The following ISG20 variants were observed in gnomAD, a reference collection of about 807,000 sequenced individuals.
ISG20 encodes interferon stimulated exonuclease gene 20, also known as interferon-stimulated gene 20 kDa protein.
In ISG20, 8 loss-of-function variants were observed where a neutral mutation model predicts 11.1. The observed-to-expected ratio is 0.72, with a 90% CI of 0.42 to 1.30. The LOEUF (loss-of-function observed/expected upper bound fraction) is 1.30, where lower values mean the gene tolerates loss of function less well. Among genes scored for constraint, ISG20 ranks in the 50% most tolerant of loss-of-function variants. The pLI, the probability that ISG20 is intolerant of heterozygous loss-of-function variation, is 0.01. For synonymous variants in ISG20, 110 were observed against 101.7 expected (o/e 1.08, Z -0.49); for missense variants, 243 against 250.2 (o/e 0.97, Z 0.19).
At position 88,655,491 on chromosome 15, in the gene ISG20, G is replaced by T. The variant is rs370675181; in HGVS notation, c.506G>T (p.Arg169Leu). Residue 169 changes from arginine (R) to leucine (L), a missense_variant, in exon 4 of 4, where the codon CGA (arginine) becomes CTA (leucine). Arg to Leu is a moderately radical substitution (Grantham distance 102). Coordinates refer to ENST00000306072, the MANE Select transcript of ISG20 (RefSeq NM_002201.6). ...MELYQISQRI[R>L]ARRGLPRLAV... The stretch of plus-strand genomic sequence containing the variant: ...CTCTATCAAATCTCCCAGAGAATCC[G>T]AGCCCGCCGAGGGCTGCCCCGCCTG... The T allele has an allele frequency of 6.2e-7, 1 of 1,613,564 alleles. No homozygotes were observed. The highest frequency in any genetic ancestry group is 2.2e-5 in the East Asian group (1 of 44,888).
intron 3 of ISG20, 76 bp from the exon 4 acceptor site, chr15:88,655,339 G>A: frequency 7.5e-7 from 1 of 1,339,396 alleles, no homozygotes; most frequent in Non-Finnish European, 1.1e-6. Context: ...ATCGGGATGT[G>A]ACCAGGGAAG....
chr15:88,638,674 C>G (rs1862364435), upstream of ISG20: 1 of 153,668 alleles, frequency 6.5e-6, no homozygotes, highest in South Asian at 2.0e-4. Flanking sequence ...GTGGGACATT[C>G]CCTGAGCTCC....
upstream of ISG20, among the ~76,000 whole-genome samples, chr15:88,636,753 C>T (rs1367582346): frequency 1.3e-5 from 2 of 152,098 alleles, no homozygotes; most frequent in Non-Finnish European, 2.9e-5. Context: ...AGGCTGGTCT[C>T]GAATTCCTGG....
In ISG20 at chr15:88,650,430, G is replaced by T; in HGVS notation, c.229-1680G>T. 4.0e-6 allele frequency: 6 copies of T among 1,490,354 alleles called. No individual in the cohort carries two copies. In the South Asian group the frequency reaches 7.9e-5, roughly 20 times the overall value. 92.3% of individuals were successfully genotyped at this position (1,490,354 alleles called of 1,614,324 possible). A position where few individuals can be genotyped will look rare whatever the true frequency, so the allele number is the denominator to read the frequency against. On this transcript the variant is annotated intron_variant, in intron 2 of 3. Transcript: ENST00000306072. The surrounding 1 kb of genome is among the most constrained non-coding windows in gnomAD (Gnocchi z 4.0). ...CTGGCTCAGTGTGGCAGTGGCAGGC[G>T]GGCTCTGGATTCATCCCACTGGCTT... is the stretch of plus-strand genomic sequence containing the variant.
intron 2 of ISG20, among the ~76,000 whole-genome samples, chr15:88,641,411 CT>C (rs1344943950): frequency 2.6e-5 from 4 of 152,144 alleles, no homozygotes; most frequent in Non-Finnish European, 4.4e-5. Flanking sequence ...CAGGAATGTC[CT>C]GTCTCGGGGT....
At position 88,650,308 on chromosome 15, in the gene ISG20, G is replaced by T; in HGVS notation, c.229-1802G>T. 1 of 1,535,694 alleles carries T rather than the reference G, an allele frequency of 6.5e-7. No individual in the cohort carries two copies. The highest frequency in any genetic ancestry group is 8.7e-7 in the Non-Finnish European group (1 of 1,146,888). On this transcript the variant is annotated intron_variant, in intron 2 of 3. Coordinates refer to ENST00000306072, the MANE Select transcript of ISG20 (RefSeq NM_002201.6). The surrounding 1 kb of genome is among the most constrained non-coding windows in gnomAD (Gnocchi z 4.0). ...TGGCCTGTGTGACCAGAGCAGGGCAGGCTGTCCATGTGGGAGGCGAGGCGA... is the reference window on the plus strand; with the variant it reads ...TGGCCTGTGTGACCAGAGCAGGGCATGCTGTCCATGTGGGAGGCGAGGCGA...
chr15:88,655,333 G>T (rs995595588), intron 3 of ISG20, 82 bp from the exon 4 acceptor site: 5 of 1,275,298 alleles, frequency 3.9e-6, no homozygotes, highest in Non-Finnish European at 5.7e-6. Context: ...CTGGAAATCG[G>T]GATGTGACCA....
In ISG20 at chr15:88,651,946, T is replaced by A. The variant is rs569609424; in HGVS notation, c.229-164T>A. On this transcript the variant is annotated intron_variant, in intron 2 of 3. Coordinates refer to ENST00000306072, the MANE Select transcript of ISG20 (RefSeq NM_002201.6). ...CTATCAGGTGTGAGGAGGGTCCTAGTGCAATCTCTTCTTTTCAAAGATGAT... is the reference window on the plus strand; with the variant it reads ...CTATCAGGTGTGAGGAGGGTCCTAGAGCAATCTCTTCTTTTCAAAGATGAT... The A allele has an allele frequency of 9.0e-6, 13 of 1,448,560 alleles. No homozygotes were observed. In the East Asian group the frequency reaches 2.3e-4, roughly 25 times the overall value. 89.7% of individuals were successfully genotyped at this position (1,448,560 alleles called of 1,614,324 possible). A position where few individuals can be genotyped will look rare whatever the true frequency, so the allele number is the denominator to read the frequency against.
At chr15:88,651,079 A>G (rs981368836) in intron 2 of ISG20, 2 of 449,648 alleles carry the variant, frequency 4.4e-6, no homozygotes, top group African/African-American at 4.3e-5. Flanking sequence ...CGGACTTCTT[A>G]TAGAATTGCG....
At chr15:88,648,462 G>GC (rs1006808580) in intron 2 of ISG20, 3 of 152,430 alleles carry the variant, frequency 2.0e-5, no homozygotes, top group Admixed American at 2.0e-4. Context: ...CAGGCAGACA[G>GC]CCGCACCTGG....
At chr15:88,638,497 C>T (rs1354623014), upstream of ISG20, among the ~76,000 whole-genome samples, 1 of 152,174 alleles carries the variant, frequency 6.6e-6, no homozygotes, top group Non-Finnish European at 1.5e-5. Context: ...TGTAAGGGCT[C>T]CCTCGCTGCT....
chr15:88,650,240 C>T lies in ISG20; in HGVS notation c.229-1870C>T. ...CACATCTGTTCTATTTTCAGGTCCC[C>T]TTCCCATCCTCTCCAACGGCAGCTG... On this transcript the variant is annotated intron_variant, in intron 2 of 3. Coordinates refer to ENST00000306072, the MANE Select transcript of ISG20 (RefSeq NM_002201.6). This position sits in a 1 kb window ranked among gnomAD's most constrained non-coding sequence, Gnocchi z 4.0. 6.5e-7 allele frequency: 1 copy of T among 1,535,660 alleles called. No homozygotes were observed. Among genetic ancestry groups the T allele is most frequent in the Non-Finnish European group, 8.7e-7 (1 of 1,146,856 alleles).
chr15:88,654,252 CA>C (rs1466147049), intron 3 of ISG20, among the ~76,000 whole-genome samples: 3 of 152,162 alleles, frequency 2.0e-5, no homozygotes, highest in African/African-American at 4.8e-5. Context: ...AGGATGGTGA[CA>C]GGGGCAGGTA....
At chr15:88,655,141 C>A (rs1314753540) in intron 3 of ISG20, among the ~76,000 whole-genome samples, 2 of 152,274 alleles carry the variant, frequency 1.3e-5, no homozygotes, top group Admixed American at 6.5e-5. Context: ...AAGTCTGCAG[C>A]CTCTGCCTCC....
intron 3 of ISG20, among the ~76,000 whole-genome samples, chr15:88,652,977 G>C (rs1214718489): frequency 1.3e-5 from 2 of 151,920 alleles, no homozygotes; most frequent in African/African-American, 4.8e-5. Flanking sequence ...AGCACTTCTG[G>C]CTGGTGGGCA....
At chr15:88,637,349 T>G (rs2058000551), upstream of ISG20, 1 of 143,158 alleles carries the variant, frequency 7.0e-6, no homozygotes, top group Non-Finnish European at 1.6e-5. Flanking sequence ...TTTTTTTTTT[T>G]TTTGGACATC....
Position 88,645,594 on chromosome 15 carries a change from G to A in ISG20, c.228+6000G>A, listed in dbSNP as rs539340386. Among the ~76,000 whole-genome samples the A allele has an allele frequency of 4.3e-4, 66 of 152,102 alleles. 1 individual carries two copies. In the South Asian group the frequency reaches 0.011, roughly 26 times the overall value. On this transcript the variant is annotated intron_variant, in intron 2 of 3. Transcript: ENST00000306072. ...CCCCAGCTCAGCACCTAGCAGTCAG[G>A]CTCTCCAAACCCCTATCTATCTGCC...
chr15:88,643,280 T>A lies in ISG20; in HGVS notation c.228+3686T>A, dbSNP rs1460909522. On this transcript the variant is annotated intron_variant, in intron 2 of 3. Coordinates refer to ENST00000306072, the MANE Select transcript of ISG20 (RefSeq NM_002201.6). This position sits in a 1 kb window ranked among gnomAD's most constrained non-coding sequence, Gnocchi z 4.4. ...ATATTAAAAAGAGCCATAAAATGTC[T>A]CAATAACTTTTATATTGATTACCTG... Among the ~76,000 whole-genome samples the A allele has an allele frequency of 6.6e-6, 1 of 152,160 alleles. No individual in the cohort carries two copies. Among genetic ancestry groups the A allele is most frequent in the Non-Finnish European group, 1.5e-5 (1 of 68,032 alleles).
intron 2 of ISG20, among the ~76,000 whole-genome samples, chr15:88,644,535 AAAAAAAAAAAAAGAAAAGAC>A (rs2058136620): frequency 2.1e-5 from 3 of 141,324 alleles, no homozygotes; most frequent in African/African-American, 4.9e-5. Flanking sequence ...TAGTCTCCAA[AAAAAAAAAAAAAGAAAAGAC>A]AAAAAAAAAA....
Sources: gnomAD v4.1 joint callset for allele counts (sites outside exome capture counted in the v4.1 genomes callset) on GRCh38, gnomAD v4.1.1 for gene constraint, Gnocchi (gnomAD v3.1) non-coding constraint, MANE v1.5 for transcripts, NCBI Gene and HGNC (gene_info 2026-07-23, HGNC 2026-07-21) for gene names.